ZBTB20: variants seen among roughly 807,000 people sequenced by gnomAD.
ZBTB20 encodes the protein zinc finger and BTB domain-containing protein 20.
ZBTB20 carries 9 observed loss-of-function variants against 56.9 expected under a neutral mutation model. The ratio of observed to expected loss-of-function variants is 0.16; its 90% CI spans 0.10 to 0.28. The LOEUF (loss-of-function observed/expected upper bound fraction) is 0.28, where lower values mean the gene tolerates loss of function less well. ZBTB20 is among the 10% of genes least tolerant of loss of function. The pLI is 1.00. For missense variants in ZBTB20, 655 were observed against 1,003.0 expected, an observed-to-expected ratio of 0.65 and a Z score of 4.69; for synonymous variants, 417 against 420.7, an observed-to-expected ratio of 0.99 and a Z score of 0.11.
chr3:114,477,171 G>A (rs1363238999), intron 7 of ZBTB20, among the ~76,000 whole-genome samples: 1 of 152,132 alleles, frequency 6.6e-6, no homozygotes, highest in African/African-American at 2.4e-5. Flanking sequence ...GAAATAACAT[G>A]CTTAAGTGTG....
At chr3:114,722,440 C>A (rs545820948) in intron 5 of ZBTB20, among the ~76,000 whole-genome samples, 1 of 152,226 alleles carries the variant, frequency 6.6e-6, no homozygotes, top group African/African-American at 2.4e-5. Context: ...GAAAAAAAAT[C>A]TGCCAAATAA....
intron 10 of ZBTB20, among the ~76,000 whole-genome samples, chr3:114,374,231 T>C (rs771570991): frequency 3.9e-5 from 6 of 152,216 alleles, no homozygotes; most frequent in Non-Finnish European, 5.9e-5. Flanking sequence ...AGGGGCTTAC[T>C]TGGCAATGAA....
intron 10 of ZBTB20, among the ~76,000 whole-genome samples, chr3:114,365,587 A>G (rs2082315288): frequency 6.6e-6 from 1 of 152,226 alleles, no homozygotes; most frequent in Admixed American, 6.5e-5. Flanking sequence ...GATTAGACCC[A>G]GGAAAAAGAT....
intron 2 of ZBTB20, among the ~76,000 whole-genome samples, chr3:115,033,026 G>A (rs994247802): frequency 5.6e-5 from 8 of 141,956 alleles, no homozygotes; most frequent in African/African-American, 2.1e-4. Flanking sequence ...TATTAGAGCA[G>A]ATGTAAAATA....
rs570593129 is a variant in ZBTB20 at position 114,857,949 on chromosome 3, G to A, written c.-417+42355C>T. Among the ~76,000 whole-genome samples the A allele has an allele frequency of 1.7e-4, 26 of 152,298 alleles. 2 individuals carry two copies. The East Asian group carries it at 4.8e-3, about 28-fold the overall frequency. ...AATCGGATTCCTCTTGCTGGCCACAGGAAAAGAATTAGAAGACGATTAATG... is the reference window on the plus strand; with the variant it reads ...AATCGGATTCCTCTTGCTGGCCACAAGAAAAGAATTAGAAGACGATTAATG... On this transcript the variant is annotated intron_variant, in intron 4 of 11. Transcript: ENST00000675478.
chr3:114,928,241 G>A (rs571523502), intron 3 of ZBTB20, among the ~76,000 whole-genome samples: 4 of 152,300 alleles, frequency 2.6e-5, no homozygotes. Flanking sequence ...GGCATCCGGG[G>A]CACACCCCAT....
rs1269075820 is a variant in ZBTB20, at chr3:114,838,553, G to T, written c.-416-37379C>A. ...TGAAGATCCATGGTGTGACTGGGGG[G>T]GGAAAGTCTCTGAAAAGTTAAAAGA... On this transcript the variant is annotated intron_variant, in intron 4 of 11. Coordinates refer to ENST00000675478, the MANE Select transcript of ZBTB20 (RefSeq NM_001348800.3). 2.0e-5 allele frequency among the ~76,000 whole-genome samples: 3 copies of T among 152,062 alleles called. No homozygotes were observed. The East Asian group carries it at 5.8e-4, about 29-fold the overall frequency.
At chr3:115,073,717 T>C (rs2082494240) in intron 1 of ZBTB20, among the ~76,000 whole-genome samples, 1 of 151,924 alleles carries the variant, frequency 6.6e-6, no homozygotes, top group African/African-American at 2.4e-5. Flanking sequence ...GAAAAAATTG[T>C]ATATAAGGAG....
At chr3:114,782,261 C>G (rs16823247) in intron 5 of ZBTB20, among the ~76,000 whole-genome samples, 23,153 of 152,166 alleles carry the variant, frequency 0.15, 2,810 homozygotes, top group African/African-American at 0.34. Flanking sequence ...AAAACTGTCC[C>G]ATTCACTTTT....
At chr3:114,776,034 T>TTC (rs1553817354) in intron 5 of ZBTB20, among the ~76,000 whole-genome samples, 2 of 14,316 alleles carry the variant, frequency 1.4e-4, no homozygotes, top group Non-Finnish European at 4.6e-4. Context: ...TTTTTTTTCT[T>TTC]TTTTTTTTTT....
At chr3:114,962,271 G>C (rs1323405697) in intron 3 of ZBTB20, among the ~76,000 whole-genome samples, 1 of 151,932 alleles carries the variant, frequency 6.6e-6, no homozygotes, top group Admixed American at 6.6e-5. Flanking sequence ...CCTAAACTGT[G>C]GTTTAATACA....
intron 3 of ZBTB20, among the ~76,000 whole-genome samples, chr3:114,918,722 C>T (rs1266203163): frequency 6.6e-6 from 1 of 152,188 alleles, no homozygotes; most frequent in Non-Finnish European, 1.5e-5. Context: ...CCTACTGTGG[C>T]TGAGTGGGAT....
chr3:115,146,413 G>A (rs2084975836), intron 1 of ZBTB20, among the ~76,000 whole-genome samples: 1 of 152,108 alleles, frequency 6.6e-6, no homozygotes, highest in South Asian at 2.1e-4. Flanking sequence ...CACACAGACA[G>A]GAATACATTA....
At position 114,756,458 on chromosome 3, in the gene ZBTB20, A is replaced by C. The variant is rs1216847358; in HGVS notation, c.-343+44643T>G. Among the ~76,000 whole-genome samples, 3 of 152,306 alleles carry C rather than the reference A, an allele frequency of 2.0e-5. No individual in the cohort carries two copies. The East Asian group carries it at 5.8e-4, about 29-fold the overall frequency. On this transcript the variant is annotated intron_variant, in intron 5 of 11. Transcript: ENST00000675478. ...TTTGTGTTCAGTCTTTCGATTACACACACAAAAAAGTTTTGGCTTAATCAG... is the reference window on the plus strand; with the variant it reads ...TTTGTGTTCAGTCTTTCGATTACACCCACAAAAAAGTTTTGGCTTAATCAG...
chr3:115,021,046 TTA>T (rs1425803371), intron 2 of ZBTB20, among the ~76,000 whole-genome samples: 7 of 151,014 alleles, frequency 4.6e-5, no homozygotes, highest in Non-Finnish European at 3.0e-5. Flanking sequence ...TGTAGGTTTT[TTA>T]TCCTTTAGTT....
chr3:115,113,324 T>C lies in ZBTB20; in HGVS notation c.-703+33895A>G, dbSNP rs546893668. On this transcript the variant is annotated intron_variant, in intron 1 of 11. Transcript: ENST00000675478. ...CTTCGATTTATTCACTAAAATAGTT[T>C]GCATATAATTGATGGGTGAATTCCT... Among the ~76,000 whole-genome samples the C allele has an allele frequency of 5.9e-5, 9 of 152,344 alleles. No homozygotes were observed. The South Asian group carries it at 1.9e-3, about 32-fold the overall frequency.
intron 4 of ZBTB20, among the ~76,000 whole-genome samples, chr3:114,880,584 T>C (rs1393534056): frequency 6.6e-6 from 1 of 152,174 alleles, no homozygotes; most frequent in Non-Finnish European, 1.5e-5. Context: ...ATTTACCTGA[T>C]GACATAATCA....
chr3:114,359,213 A>T (rs765846975), intron 10 of ZBTB20: 2 of 152,208 alleles, frequency 1.3e-5, no homozygotes, highest in Admixed American at 6.5e-5. Context: ...GTAATTGAGC[A>T]TCCACTTTAT....
In ZBTB20 at chr3:114,578,921, A is replaced by G. The variant is rs916896876; in HGVS notation, c.-294-78530T>C. ...TTGATTATAGACAACAGTGATCACCACTTTTGAATATGGTTAAAAACAAAT... is the reference window on the plus strand; with the variant it reads ...TTGATTATAGACAACAGTGATCACCGCTTTTGAATATGGTTAAAAACAAAT... On this transcript the variant is annotated intron_variant, in intron 6 of 11. Coordinates refer to ENST00000675478, the MANE Select transcript of ZBTB20 (RefSeq NM_001348800.3). Among the ~76,000 whole-genome samples the G allele has an allele frequency of 3.5e-4, 53 of 151,820 alleles. 1 individual carries two copies. The highest frequency in any genetic ancestry group is 1.3e-4 in the Non-Finnish European group (9 of 67,726).
Sources: allele counts gnomAD v4.1 joint callset (sites outside exome capture counted in the v4.1 genomes callset), GRCh38; gene constraint gnomAD v4.1.1; transcripts MANE v1.5; gene names NCBI Gene and HGNC (gene_info 2026-07-23, HGNC 2026-07-21).